The following ST3GAL1 variants were observed in gnomAD, a reference collection of about 807,000 sequenced individuals.
ST3GAL1 encodes the protein CMP-N-acetylneuraminate-beta-galactosamide-alpha-2,3-sialyltransferase 1.
ST3GAL1 carries 16 observed loss-of-function variants against 34.1 expected under a neutral mutation model. The ratio of observed to expected loss-of-function variants is 0.47; its 90% CI spans 0.32 to 0.71. ST3GAL1 has a LOEUF of 0.71. Among genes scored for constraint, ST3GAL1 ranks in the 30% least tolerant of loss-of-function variants. The probability of loss-of-function intolerance (pLI) is 0.04; values close to 1 mark genes in which losing one functional copy is unlikely to be tolerated. For missense variants in ST3GAL1, 353 were observed against 447.4 expected (o/e 0.79, Z 1.90); for synonymous variants, 191 against 184.7 (o/e 1.03, Z -0.28).
chr8:133,497,788 A>G (rs1303667492), intron 3 of ST3GAL1, among the ~76,000 whole-genome samples: 1 of 151,988 alleles, frequency 6.6e-6, no homozygotes, highest in Non-Finnish European at 1.5e-5. Flanking sequence ...TTCTTGCTAC[A>G]CAACCCCCAC....
chr8:133,534,875 G>C (rs1226431262), intron 2 of ST3GAL1, among the ~76,000 whole-genome samples: 1 of 152,232 alleles, frequency 6.6e-6, no homozygotes, highest in Admixed American at 6.5e-5. Flanking sequence ...GGCATGCCTG[G>C]CCCACAGGGT....
intron 2 of ST3GAL1, chr8:133,515,800 A>C (rs1181148456): frequency 6.6e-6 from 1 of 152,224 alleles, no homozygotes; most frequent in Non-Finnish European, 1.5e-5. Context: ...ATAAATCATA[A>C]TTACCAAATG....
rs981510378 is a variant in ST3GAL1, at chr8:133,556,341, A to G, written c.-581-10415T>C. 9.9e-5 allele frequency among the ~76,000 whole-genome samples: 15 copies of G among 152,194 alleles called. No homozygotes were observed. Among genetic ancestry groups the G allele is most frequent in the African/African-American group, 3.6e-4 (15 of 41,448 alleles). On this transcript the variant is annotated intron_variant, in intron 1 of 9. Transcript: ENST00000522652. This position sits in a 1 kb window ranked among gnomAD's most constrained non-coding sequence, Gnocchi z 8.9. ...TCAACAGCAGGCCTGGTGACTCCAGAGCCTGTCTTCTCCCCCTGGCCTTGG... is the reference window on the plus strand; with the variant it reads ...TCAACAGCAGGCCTGGTGACTCCAGGGCCTGTCTTCTCCCCCTGGCCTTGG...
At chr8:133,489,104 C>T (rs1468128262) in intron 3 of ST3GAL1, among the ~76,000 whole-genome samples, 1 of 152,156 alleles carries the variant, frequency 6.6e-6, no homozygotes, top group African/African-American at 2.4e-5. Flanking sequence ...CCTCTTGTCC[C>T]TTCAGCCCTA....
chr8:133,524,966 T>C (rs907917509), intron 2 of ST3GAL1, among the ~76,000 whole-genome samples: 2 of 152,240 alleles, frequency 1.3e-5, no homozygotes, highest in Admixed American at 1.3e-4. Context: ...CCACAGCTCT[T>C]CTCTCCTTCT....
intron 1 of ST3GAL1, among the ~76,000 whole-genome samples, chr8:133,548,998 C>T (rs889143981): frequency 6.6e-6 from 1 of 152,178 alleles, no homozygotes; most frequent in African/African-American, 2.4e-5. Context: ...GAGTTTGGGC[C>T]TTATGTATGT....
intron 1 of ST3GAL1, among the ~76,000 whole-genome samples, chr8:133,549,427 G>A (rs955047960): frequency 8.6e-5 from 13 of 151,810 alleles, no homozygotes; most frequent in Admixed American, 2.0e-4. Context: ...GATATAAGGC[G>A]GTAATCTATG....
rs140994981 is a variant in ST3GAL1 at position 133,556,476 on chromosome 8, T to C, written c.-581-10550A>G. 3.1e-4 allele frequency among the ~76,000 whole-genome samples: 47 copies of C among 152,302 alleles called. 1 individual carries two copies. Among genetic ancestry groups the C allele is most frequent in the African/African-American group, 1.1e-3 (47 of 41,564 alleles). ...ACAGCTGTCCTCTGGGCCCAGCATA[T>C]ATTGTTCTGTCCGCTCAGAGTCACG... On this transcript the variant is annotated intron_variant, in intron 1 of 9. Transcript: ENST00000522652. This position sits in a 1 kb window ranked among gnomAD's most constrained non-coding sequence, Gnocchi z 8.9.
At position 133,475,749 on chromosome 8, in the gene ST3GAL1, G is replaced by A. The variant is rs1401998872; in HGVS notation, c.276C>T (p.Leu92=). The stretch of plus-strand genomic sequence containing the variant: ...ACCATCGGTAGGTGTCGTCCTCCAA[G>A]AGCGCGTTCTGGGCGGTCAGCAGCG... ...MQPLLTAQNA[L]LEDDTYRWWL... is the part of the protein sequence containing the mutation. Residue 92 remains leucine, a synonymous_variant, in exon 5 of 10, where the codon CTC becomes CTT. Coordinates refer to ENST00000522652, the MANE Select transcript of ST3GAL1 (RefSeq NM_173344.3). 1 of 1,608,640 alleles carries A rather than the reference G, an allele frequency of 6.2e-7. No individual in the cohort carries two copies. Among genetic ancestry groups the A allele is most frequent in the East Asian group, 2.2e-5 (1 of 44,756 alleles).
At chr8:133,468,020 T>C (rs1815808107) in intron 5 of ST3GAL1, among the ~76,000 whole-genome samples, 1 of 152,132 alleles carries the variant, frequency 6.6e-6, no homozygotes, top group South Asian at 2.1e-4. Flanking sequence ...GCATTGCTGG[T>C]GGGGATGTAA....
intron 2 of ST3GAL1, among the ~76,000 whole-genome samples, chr8:133,511,529 C>G (rs1817497268): frequency 6.6e-6 from 1 of 152,140 alleles, no homozygotes; most frequent in Non-Finnish European, 1.5e-5. Context: ...TTTACACAAG[C>G]ACAAAGAGGT....
intron 1 of ST3GAL1, among the ~76,000 whole-genome samples, chr8:133,547,223 G>T (rs2131077680): frequency 6.6e-6 from 1 of 152,140 alleles, no homozygotes; most frequent in Non-Finnish European, 1.5e-5. Flanking sequence ...ATAAATAAAG[G>T]CTTTAAAAGT....
intron 2 of ST3GAL1, among the ~76,000 whole-genome samples, chr8:133,538,075 G>T (rs1315850904): frequency 1.3e-5 from 2 of 152,214 alleles, no homozygotes; most frequent in Non-Finnish European, 2.9e-5. Context: ...GCTTCCGAAA[G>T]ATCTCTCTAG....
intron 2 of ST3GAL1, among the ~76,000 whole-genome samples, chr8:133,523,133 GC>G (rs1193559779): frequency 6.6e-6 from 1 of 152,182 alleles, no homozygotes; most frequent in Non-Finnish European, 1.5e-5. Flanking sequence ...GCAGCAAGGG[GC>G]CTCTCCCTTC....
At chr8:133,505,720 A>G (rs1379635315) in intron 2 of ST3GAL1, among the ~76,000 whole-genome samples, 1 of 151,656 alleles carries the variant, frequency 6.6e-6, no homozygotes, top group East Asian at 1.9e-4. Context: ...CTCCTGCCTC[A>G]GTCTCCTGAG....
intron 2 of ST3GAL1, among the ~76,000 whole-genome samples, chr8:133,532,930 T>C (rs1818200223): frequency 6.6e-6 from 1 of 151,956 alleles, no homozygotes; most frequent in Non-Finnish European, 1.5e-5. Flanking sequence ...TCACTCCTTC[T>C]CTCACTCTTT....
intron 2 of ST3GAL1, among the ~76,000 whole-genome samples, chr8:133,542,620 C>T (rs1466793140): frequency 6.6e-6 from 1 of 151,746 alleles, no homozygotes; most frequent in Non-Finnish European, 1.5e-5. Context: ...ACTAAAAGTA[C>T]AAAAATTAGC....
chr8:133,567,349 T>C (rs1819431829), intron 1 of ST3GAL1: 1 of 152,216 alleles, frequency 6.6e-6, no homozygotes, highest in South Asian at 2.1e-4. Context: ...CCAGTAAATG[T>C]TGGCTCAACT....
chr8:133,564,681 C>T (rs954128168), intron 1 of ST3GAL1, among the ~76,000 whole-genome samples: 14 of 152,184 alleles, frequency 9.2e-5, no homozygotes, highest in African/African-American at 2.9e-4. Flanking sequence ...GTACCACTCA[C>T]ACCCACACCG....
Sources: gnomAD v4.1 joint callset for allele counts (sites outside exome capture counted in the v4.1 genomes callset) on GRCh38, gnomAD v4.1.1 for gene constraint, Gnocchi (gnomAD v3.1) non-coding constraint, MANE v1.5 for transcripts, NCBI Gene and HGNC (gene_info 2026-07-23, HGNC 2026-07-21) for gene names.